The following GALNT13 variants were observed in gnomAD, a reference collection of about 807,000 sequenced individuals.
The protein encoded by GALNT13 is UDP-GalNAc:polypeptide N-acetylgalactosaminyltransferase 13.
GALNT13 carries 28 observed loss-of-function variants against 64.2 expected under a neutral mutation model. The ratio of observed to expected loss-of-function variants is 0.44; its 90% CI spans 0.32 to 0.60. The LOEUF is 0.60. Ranked by LOEUF, GALNT13 falls within the 20% of genes least tolerant of loss-of-function variation. GALNT13 has a pLI of 0.05. For missense variants in GALNT13, 577 were observed against 669.8 expected, an observed-to-expected ratio of 0.86 and a Z score of 1.53; for synonymous variants, 214 against 224.6, an observed-to-expected ratio of 0.95 and a Z score of 0.42.
chr2:153,630,921 A>T, the GALNT13 span, among the ~76,000 whole-genome samples: 195 of 149,044 alleles, frequency 1.3e-3, 2 homozygotes, highest in East Asian at 0.036. Flanking sequence ...TTAAATCATC[A>T]TTTACATTAG....
the GALNT13 span, among the ~76,000 whole-genome samples, chr2:153,599,219 A>G: frequency 3.3e-5 from 5 of 152,070 alleles, no homozygotes; most frequent in Admixed American, 2.6e-4. Flanking sequence ...TAAATTAATT[A>G]TTTATCTCTT....
At chr2:153,833,011 TAAAC>T in the GALNT13 span, among the ~76,000 whole-genome samples, 12 of 152,142 alleles carry the variant, frequency 7.9e-5, no homozygotes, top group Non-Finnish European at 1.5e-4. Context: ...ATTCCAGAAA[TAAAC>T]AATTCACGAG....
At chr2:154,304,451 T>G (rs1351366855) in intron 9 of GALNT13, among the ~76,000 whole-genome samples, 1 of 152,096 alleles carries the variant, frequency 6.6e-6, no homozygotes, top group Non-Finnish European at 1.5e-5. Flanking sequence ...AGGAAAAAAG[T>G]GTGTTATGTG....
the GALNT13 span, among the ~76,000 whole-genome samples, chr2:153,510,674 A>G: frequency 2.6e-5 from 4 of 152,068 alleles, no homozygotes; most frequent in Admixed American, 2.0e-4. Context: ...TTCTGATTTA[A>G]TATGTTGAGG....
chr2:153,764,683 A>G, the GALNT13 span, among the ~76,000 whole-genome samples: 4 of 152,254 alleles, frequency 2.6e-5, no homozygotes, highest in Non-Finnish European at 5.9e-5. Context: ...GTTAATCACC[A>G]TGACAATGGG....
intron 4 of GALNT13, among the ~76,000 whole-genome samples, chr2:154,193,056 T>C (rs958390685): frequency 2.6e-5 from 4 of 152,206 alleles, no homozygotes; most frequent in Non-Finnish European, 4.4e-5. Context: ...AAACTATTAG[T>C]GTGTGTTTGT....
At chr2:153,922,408 G>T (rs1027991594) in intron 2 of GALNT13, among the ~76,000 whole-genome samples, 7 of 152,094 alleles carry the variant, frequency 4.6e-5, no homozygotes, top group African/African-American at 9.7e-5. Flanking sequence ...ATTTTCCTTG[G>T]ACTAAACAGA....
At chr2:153,668,279 C>T in the GALNT13 span, among the ~76,000 whole-genome samples, 2 of 152,102 alleles carry the variant, frequency 1.3e-5, no homozygotes, top group Non-Finnish European at 2.9e-5. Flanking sequence ...CTGCAGAACA[C>T]TCCACCCAAC....
chr2:154,450,390 AT>A lies in GALNT13; in HGVS notation c.1531-19del. 6.3e-7 allele frequency: 1 copy of A among 1,599,576 alleles called. No individual in the cohort carries two copies. The highest frequency in any genetic ancestry group is 8.5e-7 in the Non-Finnish European group (1 of 1,173,490). On this transcript the variant is annotated intron_variant, in intron 12 of 12. Coordinates refer to ENST00000392825, the MANE Select transcript of GALNT13 (RefSeq NM_052917.4). ...GCTAAAGACGAAATAAGCTGCACTG[AT>A]TATTGGTTATCTTTTACAGAGACTC...
the GALNT13 span, among the ~76,000 whole-genome samples, chr2:153,447,195 G>T: frequency 8.5e-5 from 13 of 152,240 alleles, no homozygotes; most frequent in Non-Finnish European, 1.5e-4. Context: ...CACCTAAACT[G>T]ATGCTTGGCA....
intron 9 of GALNT13, among the ~76,000 whole-genome samples, chr2:154,340,349 C>A (rs553149245): frequency 6.6e-6 from 1 of 152,234 alleles, no homozygotes; most frequent in East Asian, 1.9e-4. Context: ...TCAGCCTTTC[C>A]TGTAGCTGGG....
intron 3 of GALNT13, among the ~76,000 whole-genome samples, chr2:154,080,215 C>CG (rs1307995015): frequency 1.3e-5 from 2 of 151,458 alleles, no homozygotes; most frequent in Non-Finnish European, 3.0e-5. Context: ...ATTCATTCTG[C>CG]AAAAAATTCA....
At position 153,999,539 on chromosome 2, in the gene GALNT13, G is replaced by A. The variant is rs147885483; in HGVS notation, c.142+54900G>A. On this transcript the variant is annotated intron_variant, in intron 3 of 12. Transcript: ENST00000392825. ...TTATTATGAGGGGATGTTGAATTTT[G>A]ATGTTTGATTTTTCTGAATGTATTG... Among the ~76,000 whole-genome samples, 605 of 152,074 alleles carry A rather than the reference G, an allele frequency of 4.0e-3. 2 individuals are homozygous for A. The highest frequency in any genetic ancestry group is 0.014 in the African/African-American group (563 of 41,530).
chr2:154,271,558 A>G (rs1269399192), intron 8 of GALNT13, among the ~76,000 whole-genome samples: 1 of 151,960 alleles, frequency 6.6e-6, no homozygotes, highest in African/African-American at 2.4e-5. Flanking sequence ...AATATGTGTC[A>G]TAAACCTAGC....
the GALNT13 span, among the ~76,000 whole-genome samples, chr2:153,699,723 A>C: frequency 6.6e-6 from 1 of 152,308 alleles, no homozygotes; most frequent in East Asian, 1.9e-4. Flanking sequence ...CCTCTATGCA[A>C]ATAACCTAGA....
chr2:153,595,935 T>C, the GALNT13 span, among the ~76,000 whole-genome samples: 1 of 152,138 alleles, frequency 6.6e-6, no homozygotes, highest in Non-Finnish European at 1.5e-5. Context: ...AAACAACACA[T>C]TTCTTATTAT....
At chr2:153,282,982 A>G in the GALNT13 span, among the ~76,000 whole-genome samples, 1 of 152,158 alleles carries the variant, frequency 6.6e-6, no homozygotes, top group Admixed American at 6.5e-5. Context: ...GGTCCAACCT[A>G]TAAGCCAGTA....
chr2:153,916,165 C>CTTT (rs11375177), intron 2 of GALNT13, among the ~76,000 whole-genome samples: 5 of 132,140 alleles, frequency 3.8e-5, no homozygotes, highest in South Asian at 2.4e-4. Context: ...TTTTCTTTTT[C>CTTT]TTTTTTTTTT....
At chr2:154,255,669 A>G (rs1444170157) in intron 7 of GALNT13, among the ~76,000 whole-genome samples, 1 of 152,020 alleles carries the variant, frequency 6.6e-6, no homozygotes. Context: ...TGAGCTAGAG[A>G]TTGAAGGAGT....
Sources: gnomAD v4.1 joint callset for allele counts (sites outside exome capture counted in the v4.1 genomes callset) on GRCh38, gnomAD v4.1.1 for gene constraint, MANE v1.5 for transcripts, NCBI Gene and HGNC (gene_info 2026-07-23, HGNC 2026-07-21) for gene names.